The following EDA variants were observed in gnomAD, a reference collection of about 807,000 sequenced individuals.
EDA encodes ectodysplasin A, also known as ectodysplasin-A.
A neutral mutation model predicts 23.6 loss-of-function variants in EDA; 2 were observed. That is an observed-to-expected ratio of 0.08 (90% CI 0.03 to 0.27). The LOEUF (loss-of-function observed/expected upper bound fraction) is 0.27, where lower values mean the gene tolerates loss of function less well. EDA is among the 10% of genes least tolerant of loss of function. EDA has a pLI of 1.00. For missense variants in EDA, 229 were observed against 324.2 expected (o/e 0.71, Z 2.26); for synonymous variants, 131 against 132.0 (o/e 0.99, Z 0.05).
intron 1 of EDA, among the ~76,000 whole-genome samples, chrX:69,658,627 A>G (rs1483993452): frequency 1.8e-5 from 2 of 111,236 alleles, no homozygotes; most frequent in African/African-American, 6.5e-5. Flanking sequence ...CTCACTTTCA[A>G]CAGAGAACTC....
chrX:69,994,495 C>G (rs2019630461), intron 2 of EDA, among the ~76,000 whole-genome samples: 1 of 112,149 alleles, frequency 8.9e-6, no homozygotes, highest in Non-Finnish European at 1.9e-5. Context: ...TTTGTAAATA[C>G]AGATTTCCTG....
chrX:69,688,001 T>C (rs1313929243), intron 1 of EDA, among the ~76,000 whole-genome samples: 1 of 111,683 alleles, frequency 9.0e-6, no homozygotes, highest in African/African-American at 3.3e-5. Flanking sequence ...GCTCTGGGGC[T>C]TGGATGGCAA....
chrX:69,649,553 A>G (rs1268388193), intron 1 of EDA, among the ~76,000 whole-genome samples: 3 of 107,757 alleles, frequency 2.8e-5, no homozygotes, highest in African/African-American at 6.8e-5. Flanking sequence ...ACTCAAACCT[A>G]TTTCCTTTGT....
At chrX:69,722,244 C>T (rs977370235) in intron 1 of EDA, among the ~76,000 whole-genome samples, 6 of 109,806 alleles carry the variant, frequency 5.5e-5, no homozygotes, top group Non-Finnish European at 7.6e-5. Context: ...CTTGTTCTGT[C>T]GCCCAGGCTG....
At chrX:69,923,596 C>G (rs1316629076) in intron 1 of EDA, among the ~76,000 whole-genome samples, 2 of 112,001 alleles carry the variant, frequency 1.8e-5, no homozygotes, top group Non-Finnish European at 3.8e-5. Context: ...CTGCAATAAA[C>G]ATACATGTGC....
chrX:69,970,689 T>G (rs1322953519), intron 2 of EDA, among the ~76,000 whole-genome samples: 1 of 111,756 alleles, frequency 8.9e-6, no homozygotes, highest in African/African-American at 3.2e-5. Flanking sequence ...TGATTCTTAG[T>G]CCTCAATAGA....
intron 1 of EDA, among the ~76,000 whole-genome samples, chrX:69,836,765 T>C (rs1471348945): frequency 8.9e-6 from 1 of 112,023 alleles, no homozygotes; most frequent in Non-Finnish European, 1.9e-5. Flanking sequence ...TCTCAATGAG[T>C]TGAACCAGGT....
chrX:69,720,043 C>T (rs1233970511), intron 1 of EDA, among the ~76,000 whole-genome samples: 1 of 111,441 alleles, frequency 9.0e-6, no homozygotes, highest in Non-Finnish European at 1.9e-5. Flanking sequence ...CCACCGTGCC[C>T]GGCCACCACA....
At chrX:69,974,449 C>T (rs1251671649) in intron 2 of EDA, among the ~76,000 whole-genome samples, 1 of 111,025 alleles carries the variant, frequency 9.0e-6, no homozygotes, top group African/African-American at 3.3e-5. Flanking sequence ...AGACCTCAGA[C>T]TGTAAGAATC....
chrX:69,655,222 C>A (rs2147247964), intron 1 of EDA, among the ~76,000 whole-genome samples: 1 of 111,202 alleles, frequency 9.0e-6, no homozygotes, highest in Admixed American at 9.5e-5. Flanking sequence ...ATGGAGAAAC[C>A]CCGTCTCTAC....
intron 1 of EDA, among the ~76,000 whole-genome samples, chrX:69,796,746 TC>T (rs933593173): frequency 9.0e-6 from 1 of 110,666 alleles, no homozygotes. Context: ...ATTAATGAAA[TC>T]TCAGAAAAAA....
chrX:69,832,778 G>A, intron 1 of EDA, among the ~76,000 whole-genome samples: 1 of 111,206 alleles, frequency 9.0e-6, no homozygotes. Flanking sequence ...TGGATTCCTA[G>A]GTATTTTATT....
rs138536861 is a variant in EDA at position 69,894,033 on chromosome X, C to G, written c.397-62994C>G. On this transcript the variant is annotated intron_variant, in intron 1 of 7. Transcript: ENST00000374552. ...GCTAAGCTTTTAGGAATAGTAGTTT[C>G]CAGAAGAGAAAATCTATTTCACCAC... is the stretch of plus-strand genomic sequence containing the variant. Among the ~76,000 whole-genome samples the G allele has an allele frequency of 6.2e-3, 689 of 111,672 alleles. 8 individuals carry two copies. The highest frequency in any genetic ancestry group is 0.022 in the African/African-American group (661 of 30,733).
At chrX:69,717,648 T>C (rs2012398683) in intron 1 of EDA, among the ~76,000 whole-genome samples, 1 of 109,100 alleles carries the variant, frequency 9.2e-6, no homozygotes, top group Admixed American at 9.8e-5. Context: ...GCCTCCCAAG[T>C]AGCTGGGACT....
At chrX:69,927,634 T>C (rs953577082) in intron 1 of EDA, among the ~76,000 whole-genome samples, 1 of 111,140 alleles carries the variant, frequency 9.0e-6, no homozygotes, top group African/African-American at 3.3e-5. Flanking sequence ...TGTCTTGGGG[T>C]TGATCTTCTC....
rs761946041 is a variant in EDA at position 69,934,276 on chromosome X, A to AT, written c.397-22744dup. On this transcript the variant is annotated intron_variant, in intron 1 of 7. Transcript: ENST00000374552. Reference sequence around the variant, plus strand: ...AATCTCTTTAGAGAAGAACCTTCTGATTTTTTTCTTTGCCTTGGGAATCAA... The same window carrying AT: ...AATCTCTTTAGAGAAGAACCTTCTGATTTTTTTTCTTTGCCTTGGGAATCAA... Among the ~76,000 whole-genome samples the AT allele has an allele frequency of 1.2e-4, 14 of 112,063 alleles. No individual in the cohort carries two copies. In the South Asian group the frequency reaches 5.2e-3, roughly 41 times the overall value.
chrX:69,668,589 T>A (rs955312846), intron 1 of EDA, among the ~76,000 whole-genome samples: 3 of 111,632 alleles, frequency 2.7e-5, no homozygotes, highest in African/African-American at 9.8e-5. Flanking sequence ...CCTACTATTT[T>A]TTTTGGAGAT....
At chrX:69,880,322 C>G (rs768893106) in intron 1 of EDA, among the ~76,000 whole-genome samples, 16 of 112,155 alleles carry the variant, frequency 1.4e-4, no homozygotes, top group Non-Finnish European at 2.3e-4. Context: ...ATCAAACTCT[C>G]CAATACATGA....
chrX:69,771,280 G>A (rs764818948), intron 1 of EDA, among the ~76,000 whole-genome samples: 2 of 110,529 alleles, frequency 1.8e-5, no homozygotes, highest in Non-Finnish European at 3.8e-5. Context: ...GTATGGTCTC[G>A]ATCTCTTGAC....
Sources: gnomAD v4.1 joint callset for allele counts (sites outside exome capture counted in the v4.1 genomes callset) on GRCh38, gnomAD v4.1.1 for gene constraint, MANE v1.5 for transcripts, NCBI Gene and HGNC (gene_info 2026-07-23, HGNC 2026-07-21) for gene names.